WDR7: variants seen among roughly 807,000 people sequenced by gnomAD.
WDR7 encodes the protein WD repeat-containing protein 7.
WDR7 carries 46 observed loss-of-function variants against 169.4 expected under a neutral mutation model. The ratio of observed to expected loss-of-function variants is 0.27; its 90% CI spans 0.21 to 0.35. The LOEUF (loss-of-function observed/expected upper bound fraction) is 0.35, where lower values mean the gene tolerates loss of function less well. WDR7 is among the 10% of genes least tolerant of loss of function. WDR7 has a pLI of 1.00. For missense variants in WDR7, 1,534 were observed against 1,859.3 expected (o/e 0.83, Z 3.22); for synonymous variants, 612 against 666.8 (o/e 0.92, Z 1.27).
chr18:56,882,667 T>C (rs2046125865), intron 21 of WDR7, among the ~76,000 whole-genome samples: 1 of 152,180 alleles, frequency 6.6e-6, no homozygotes, highest in African/African-American at 2.4e-5. Flanking sequence ...CATTAGCAAA[T>C]TTAGCACCCA....
chr18:56,857,371 G>A (rs185906855), intron 20 of WDR7, among the ~76,000 whole-genome samples: 7 of 151,978 alleles, frequency 4.6e-5, no homozygotes, highest in East Asian at 1.9e-4. Context: ...CGATCCTTCC[G>A]CCTCAGCCTC....
intron 4 of WDR7, 54 bp downstream of exon 4, chr18:56,681,445 A>G (rs2025348753): frequency 2.6e-6 from 3 of 1,159,948 alleles, no homozygotes; most frequent in Admixed American, 2.8e-5. Flanking sequence ...TATATAATTT[A>G]AAATATTTTT....
At chr18:56,779,577 A>G in intron 18 of WDR7, 28 bp downstream of exon 18, 1 of 1,564,352 alleles carries the variant, frequency 6.4e-7, no homozygotes, top group Non-Finnish European at 8.7e-7. Flanking sequence ...AGGATAGAAA[A>G]CAAAAATATT....
At chr18:56,755,126 T>C (rs1019779239) in intron 14 of WDR7, among the ~76,000 whole-genome samples, 1 of 152,096 alleles carries the variant, frequency 6.6e-6, no homozygotes, top group Non-Finnish European at 1.5e-5. Flanking sequence ...AATAGTATTA[T>C]TGCTTTTAAG....
At chr18:56,827,547 T>G (rs1350995131) in intron 20 of WDR7, among the ~76,000 whole-genome samples, 1 of 151,864 alleles carries the variant, frequency 6.6e-6, no homozygotes, top group Non-Finnish European at 1.5e-5. Flanking sequence ...GTAGAGAGCC[T>G]ACCAGAGTCT....
At chr18:56,714,739 G>T (rs1336502827) in intron 12 of WDR7, among the ~76,000 whole-genome samples, 1 of 151,900 alleles carries the variant, frequency 6.6e-6, no homozygotes, top group Non-Finnish European at 1.5e-5. Flanking sequence ...TTTGTAGATT[G>T]AGCTTGTTAT....
chr18:56,988,592 TGTGTGTG>T (rs2047760897), intron 26 of WDR7, among the ~76,000 whole-genome samples: 2 of 28,100 alleles, frequency 7.1e-5, no homozygotes, highest in Admixed American at 6.9e-4. Context: ...GGAAGGCAAG[TGTGTGTG>T]TGTGTGTGTG....
chr18:57,025,168 A>T (rs1474355423), intron 27 of WDR7, among the ~76,000 whole-genome samples: 2 of 152,224 alleles, frequency 1.3e-5, no homozygotes, highest in East Asian at 3.8e-4. Context: ...TGAGCATTAT[A>T]TGCCCCTTGC....
At position 56,790,933 on chromosome 18, in the gene WDR7, T is replaced by G. The variant is rs1599046098; in HGVS notation, c.3190+9277T>G. Among the ~76,000 whole-genome samples the G allele has an allele frequency of 1.3e-5, 2 of 152,188 alleles. 1 individual carries two copies. On this transcript the variant is annotated intron_variant, in intron 19 of 27. Transcript: ENST00000254442. ...GAGATTGATCTGGTTTCTTTCAGCCTGTTAAATGCCAACCCAGTCATCTGT... is the reference window on the plus strand; with the variant it reads ...GAGATTGATCTGGTTTCTTTCAGCCGGTTAAATGCCAACCCAGTCATCTGT...
chr18:56,932,337 G>C (rs1045032180), intron 22 of WDR7, among the ~76,000 whole-genome samples: 13 of 152,148 alleles, frequency 8.5e-5, no homozygotes, highest in Non-Finnish European at 1.5e-4. Context: ...TGGGCAATAG[G>C]TTCACATGTC....
At chr18:56,965,209 A>G (rs1299316765) in intron 26 of WDR7, among the ~76,000 whole-genome samples, 2 of 152,076 alleles carry the variant, frequency 1.3e-5, no homozygotes, top group African/African-American at 2.4e-5. Context: ...CTGTAGGGGT[A>G]TGGTCCCAGT....
rs1474175974 is a variant in WDR7, at chr18:56,686,860, T to G, written c.603T>G (p.Thr201=). 2 of 1,596,070 alleles carry G rather than the reference T, an allele frequency of 1.3e-6. No homozygotes were observed. Among genetic ancestry groups the G allele is most frequent in the African/African-American group, 2.7e-5 (2 of 74,702 alleles). ...VTSEISDMQD[T]EPIFEEESKP... Reference sequence around the variant, plus strand: ...TTACAAATCTTTCTTTTCAGGATACTGAGCCAATATTTGAGGAGGAATCCA... The same window carrying G: ...TTACAAATCTTTCTTTTCAGGATACGGAGCCAATATTTGAGGAGGAATCCA... Residue 201 remains threonine (T), a synonymous_variant, in exon 7 of 28, where the codon ACT becomes ACG. Transcript: ENST00000254442.
intron 20 of WDR7, among the ~76,000 whole-genome samples, chr18:56,820,373 A>C (rs1040198386): frequency 1.6e-5 from 2 of 127,766 alleles, no homozygotes; most frequent in African/African-American, 5.5e-5. Context: ...AACCACCTTG[A>C]TACTAGATCA....
intron 26 of WDR7, among the ~76,000 whole-genome samples, chr18:56,965,455 G>C (rs2047395850): frequency 7.2e-6 from 1 of 138,458 alleles, no homozygotes; most frequent in Non-Finnish European, 1.6e-5. Context: ...TTTTTAATCT[G>C]TTTTTTTTTT....
At chr18:56,719,657 T>TAGCA (rs2026276802) in intron 13 of WDR7, among the ~76,000 whole-genome samples, 1 of 152,096 alleles carries the variant, frequency 6.6e-6, no homozygotes, top group Non-Finnish European at 1.5e-5. Context: ...ATCTGCTGAA[T>TAGCA]AGCAGTCTTG....
At chr18:56,795,058 A>G (rs1300497781) in intron 19 of WDR7, among the ~76,000 whole-genome samples, 2 of 152,242 alleles carry the variant, frequency 1.3e-5, no homozygotes, top group African/African-American at 4.8e-5. Context: ...TACACTTCAG[A>G]AATGACAGAA....
At chr18:56,748,096 A>G (rs1457107901) in intron 14 of WDR7, among the ~76,000 whole-genome samples, 1 of 152,190 alleles carries the variant, frequency 6.6e-6, no homozygotes, top group Non-Finnish European at 1.5e-5. Context: ...AACTATGTTC[A>G]CATGTATCTT....
chr18:57,027,324 A>G lies in WDR7; in HGVS notation c.*117A>G. On this transcript the variant is annotated 3_prime_UTR_variant, in exon 28 of 28. Coordinates refer to ENST00000254442, the MANE Select transcript of WDR7 (RefSeq NM_015285.3). ...GGGCCTGCCCACCCCAGTGCCATCCAGTGGCACGGCCGGGTCTTGTCACTT... is the reference window on the plus strand; with the variant it reads ...GGGCCTGCCCACCCCAGTGCCATCCGGTGGCACGGCCGGGTCTTGTCACTT... 3 of 1,242,606 alleles carry G rather than the reference A, an allele frequency of 2.4e-6. No individual in the cohort carries two copies. Among genetic ancestry groups the G allele is most frequent in the Non-Finnish European group, 3.3e-6 (3 of 905,866 alleles). 77.0% of individuals were successfully genotyped at this position (1,242,606 alleles called of 1,614,324 possible). A position where few individuals can be genotyped will look rare whatever the true frequency, so the allele number is the denominator to read the frequency against.
chr18:56,942,822 G>C (rs1187067383), intron 25 of WDR7, among the ~76,000 whole-genome samples: 1 of 152,108 alleles, frequency 6.6e-6, no homozygotes, highest in Non-Finnish European at 1.5e-5. Context: ...TCTTCTACCA[G>C]AACATAGTTG....
Sources: allele counts gnomAD v4.1 joint callset (sites outside exome capture counted in the v4.1 genomes callset), GRCh38; gene constraint gnomAD v4.1.1; transcripts MANE v1.5; gene names NCBI Gene and HGNC (gene_info 2026-07-23, HGNC 2026-07-21).